LINGO2: variants seen among roughly 807,000 people sequenced by gnomAD.
The protein encoded by LINGO2 is leucine rich repeat and Ig domain containing 2.
In LINGO2, 14 loss-of-function variants were observed where a neutral mutation model predicts 30.6. The ratio of observed to expected loss-of-function variants is 0.46; its 90% CI spans 0.30 to 0.72. The LOEUF is 0.72. LINGO2 is among the 30% of genes least tolerant of loss of function. The pLI, the probability that LINGO2 is intolerant of heterozygous loss-of-function variation, is 0.07. For missense variants in LINGO2, 729 were observed against 751.7 expected, an observed-to-expected ratio of 0.97 and a Z score of 0.35; for synonymous variants, 317 against 288.5, an observed-to-expected ratio of 1.10 and a Z score of -1.00.
chr9:28,388,002 C>T (rs905989417), intron 2 of LINGO2, among the ~76,000 whole-genome samples: 11 of 152,128 alleles, frequency 7.2e-5, no homozygotes, highest in Non-Finnish European at 5.9e-5. Flanking sequence ...CACAGCATGC[C>T]GATCACTTTT....
In LINGO2 at chr9:28,329,725, C is replaced by T. The variant is rs983636791; in HGVS notation, c.-245-34359G>A. Among the ~76,000 whole-genome samples the T allele has an allele frequency of 3.3e-5, 5 of 152,086 alleles. No individual in the cohort carries two copies. The highest frequency in any genetic ancestry group is 6.6e-5 in the Admixed American group (1 of 15,248). On this transcript the variant is annotated intron_variant, in intron 3 of 5. Transcript: ENST00000379992. The surrounding 1 kb of genome is among the most constrained non-coding windows in gnomAD (Gnocchi z 4.5). ...ATATTCTTTATCTGGCTAATTTTAA[C>T]TTGCCCTTCAAGACTTCAAACAGGC...
At chr9:27,957,189 T>A (rs545858552) in intron 5 of LINGO2, among the ~76,000 whole-genome samples, 314 of 152,334 alleles carry the variant, frequency 2.1e-3, no homozygotes, top group Non-Finnish European at 3.6e-3. Context: ...TGACCGTATA[T>A]GCACATCTCC....
intron 4 of LINGO2, among the ~76,000 whole-genome samples, chr9:28,122,598 G>A (rs957614958): frequency 3.3e-5 from 5 of 152,234 alleles, no homozygotes; most frequent in African/African-American, 1.2e-4. Context: ...CAGAAGAGTC[G>A]CTCTGTGGGT....
chr9:28,418,654 T>C (rs1823065779), intron 2 of LINGO2, among the ~76,000 whole-genome samples: 1 of 152,090 alleles, frequency 6.6e-6, no homozygotes, highest in South Asian at 2.1e-4. Flanking sequence ...TCTCTTAAAG[T>C]AAATGGCAAG....
At chr9:28,196,531 A>T (rs1820019395) in intron 4 of LINGO2, among the ~76,000 whole-genome samples, 1 of 151,940 alleles carries the variant, frequency 6.6e-6, no homozygotes, top group Non-Finnish European at 1.5e-5. Flanking sequence ...TATCTCAGAA[A>T]AAGCTTGACA....
chr9:28,073,759 G>A (rs1375120081), intron 4 of LINGO2, among the ~76,000 whole-genome samples: 1 of 152,182 alleles, frequency 6.6e-6, no homozygotes, highest in African/African-American at 2.4e-5. Flanking sequence ...CAGGAGCAGT[G>A]GCTCATGCTT....
chr9:27,999,348 T>G (rs118177553), intron 5 of LINGO2, among the ~76,000 whole-genome samples: 1 of 151,766 alleles, frequency 6.6e-6, no homozygotes, highest in South Asian at 2.1e-4. Flanking sequence ...ATATGATGTT[T>G]TGTGTGCAGG....
At chr9:28,812,035 C>A in the LINGO2 span, among the ~76,000 whole-genome samples, 1 of 151,648 alleles carries the variant, frequency 6.6e-6, no homozygotes. Context: ...GAAGTCACTG[C>A]AGCAGAGTTT....
chr9:28,626,328 AT>A (rs1485185136), intron 1 of LINGO2, among the ~76,000 whole-genome samples: 1 of 151,980 alleles, frequency 6.6e-6, no homozygotes, highest in Non-Finnish European at 1.5e-5. Flanking sequence ...AAGTATTGTA[AT>A]TTTTTCCAAT....
chr9:28,318,800 A>C (rs1359940006), intron 3 of LINGO2, among the ~76,000 whole-genome samples: 2 of 152,220 alleles, frequency 1.3e-5, no homozygotes, highest in African/African-American at 4.8e-5. Flanking sequence ...TGTGATAACA[A>C]TAAAACCATC....
At chr9:29,181,486 G>A in the LINGO2 span, among the ~76,000 whole-genome samples, 1 of 152,188 alleles carries the variant, frequency 6.6e-6, no homozygotes, top group South Asian at 2.1e-4. Flanking sequence ...TACTTGGAAA[G>A]TGTCATATGA....
At chr9:28,424,604 A>G (rs1012430553) in intron 2 of LINGO2, among the ~76,000 whole-genome samples, 8 of 152,198 alleles carry the variant, frequency 5.3e-5, no homozygotes, top group Non-Finnish European at 1.0e-4. Context: ...TTATGGTAGC[A>G]TTTTATGCAG....
At chr9:28,802,236 CAA>C in the LINGO2 span, among the ~76,000 whole-genome samples, 3 of 151,884 alleles carry the variant, frequency 2.0e-5, no homozygotes, top group African/African-American at 7.2e-5. Context: ...GGTATTTAAT[CAA>C]GACAAAATAA....
intron 4 of LINGO2, among the ~76,000 whole-genome samples, chr9:28,263,151 G>A (rs1373958744): frequency 6.6e-6 from 1 of 151,858 alleles, no homozygotes; most frequent in Non-Finnish European, 1.5e-5. Flanking sequence ...ACCCATTCCT[G>A]GCCAGATGGC....
intron 4 of LINGO2, among the ~76,000 whole-genome samples, chr9:28,196,623 C>A (rs541048550): frequency 6.6e-6 from 1 of 151,746 alleles, no homozygotes; most frequent in Non-Finnish European, 1.5e-5. Flanking sequence ...CAAAATTGTG[C>A]CATTTTTTAG....
chr9:28,303,635 T>G (rs1241389800), intron 3 of LINGO2, among the ~76,000 whole-genome samples: 4 of 152,176 alleles, frequency 2.6e-5, no homozygotes, highest in Non-Finnish European at 5.9e-5. Context: ...TATTAAATAC[T>G]GTAATCTTAC....
chr9:28,830,051 T>C, the LINGO2 span, among the ~76,000 whole-genome samples: 82 of 152,288 alleles, frequency 5.4e-4, 1 homozygote, highest in South Asian at 0.011. Flanking sequence ...AGGACTAGTC[T>C]GTAAAATCCA....
chr9:29,050,329 C>T, the LINGO2 span, among the ~76,000 whole-genome samples: 16 of 152,224 alleles, frequency 1.1e-4, no homozygotes, highest in African/African-American at 2.6e-4. Flanking sequence ...CAGCCTTATG[C>T]GCTTATTTCA....
In LINGO2 at chr9:28,602,132, C is replaced by T. The variant is rs532031845; in HGVS notation, c.-365+68068G>A. ...AAGTTGTGATTTTTAGGTAAAATTC[C>T]AGCCTAGGCTTACCCTGATTGAAAT... On this transcript the variant is annotated intron_variant, in intron 1 of 5. Coordinates refer to ENST00000379992, the Ensembl canonical transcript of LINGO2. 1.5e-4 allele frequency among the ~76,000 whole-genome samples: 23 copies of T among 152,086 alleles called. No homozygotes were observed. The South Asian group carries it at 4.6e-3, about 30-fold the overall frequency.
Sources: gnomAD v4.1 joint callset for allele counts (sites outside exome capture counted in the v4.1 genomes callset) on GRCh38, gnomAD v4.1.1 for gene constraint, Gnocchi (gnomAD v3.1) non-coding constraint, MANE v1.5 for transcripts, NCBI Gene and HGNC (gene_info 2026-07-23, HGNC 2026-07-21) for gene names.